L2HGDH: variants seen among roughly 807,000 people sequenced by gnomAD.
L2HGDH encodes L-2-hydroxyglutarate dehydrogenase, mitochondrial.
A neutral mutation model predicts 51.5 loss-of-function variants in L2HGDH; 34 were observed. The observed-to-expected ratio is 0.66, with a 90% confidence interval of 0.50 to 0.88. The LOEUF is 0.88. Ranked by LOEUF, L2HGDH falls within the 40% of genes least tolerant of loss-of-function variation. L2HGDH has a pLI of 0.00. For missense variants in L2HGDH, 558 were observed against 571.9 expected (o/e 0.98, Z 0.25); for synonymous variants, 198 against 197.9 (o/e 1.00, Z -0.01).
intron 6 of L2HGDH, among the ~76,000 whole-genome samples, chr14:50,277,195 T>TC (rs1491578205): frequency 3.1e-4 from 44 of 142,388 alleles, no homozygotes; most frequent in African/African-American, 1.1e-3. Context: ...TAAAGTAGAC[T>TC]GTTTTTTTTT....
chr14:50,302,799 A>G, intron 2 of L2HGDH, 103 bp downstream of exon 2: 1 of 857,788 alleles, frequency 1.2e-6, no homozygotes. Context: ...TTTAGAACAC[A>G]AACTAAGAAA....
chr14:50,285,750 T>C (rs1426636481), intron 4 of L2HGDH, among the ~76,000 whole-genome samples: 1 of 152,206 alleles, frequency 6.6e-6, no homozygotes, highest in African/African-American at 2.4e-5. Flanking sequence ...TCTGACACAC[T>C]GAAGACACTC....
chr14:50,297,907 C>G (rs1407787908), intron 3 of L2HGDH, among the ~76,000 whole-genome samples: 1 of 150,906 alleles, frequency 6.6e-6, no homozygotes, highest in Non-Finnish European at 1.5e-5. Context: ...TTGAGACCAA[C>G]TTGAGCAACG....
At chr14:50,259,365 GGT>G (rs1491182472) in intron 9 of L2HGDH, among the ~76,000 whole-genome samples, 574 of 52,090 alleles carry the variant, frequency 0.011, 15 homozygotes, top group Middle Eastern at 0.095. Flanking sequence ...TTTCTTTTTC[GGT>G]TTTTTTTTTT....
chr14:50,311,400 C>A, intron 1 of L2HGDH: 1 of 456,076 alleles, frequency 2.2e-6, no homozygotes, highest in Non-Finnish European at 4.4e-6. Flanking sequence ...CAAAACCTCT[C>A]CAAGCCTTAC....
At chr14:50,257,938 C>T (rs1050270883) in intron 9 of L2HGDH, among the ~76,000 whole-genome samples, 6 of 151,496 alleles carry the variant, frequency 4.0e-5, no homozygotes, top group African/African-American at 1.5e-4. Flanking sequence ...CTGTTCAGTA[C>T]GACTTTATCT....
At position 50,244,962 on chromosome 14, in the gene L2HGDH, CA is replaced by C; in HGVS notation, c.*2095del. Reference sequence around the variant, plus strand: ...TCAAAGTTCTGCAGTCAGGTCGCCACATTTTCATTTACAATTTCTATTTTCT... The same window carrying C: ...TCAAAGTTCTGCAGTCAGGTCGCCACTTTTCATTTACAATTTCTATTTTCT... On this transcript the variant is annotated 3_prime_UTR_variant, in exon 10 of 10. Coordinates refer to ENST00000267436, the MANE Select transcript of L2HGDH (RefSeq NM_024884.3). The C allele has an allele frequency of 1.0e-6, 1 of 985,488 alleles. No homozygotes were observed. The highest frequency in any genetic ancestry group is 1.2e-6 in the Non-Finnish European group (1 of 829,898). The allele number at this position is 985,488 out of a possible 1,614,324, so 61.0% of individuals were successfully genotyped here. A position where few individuals can be genotyped will look rare whatever the true frequency, so the allele number is the denominator to read the frequency against.
rs1002749213 is a variant in L2HGDH, at chr14:50,312,224, T to C, written c.-74A>G. 1.9e-6 allele frequency: 3 copies of C among 1,573,278 alleles called. No homozygotes were observed. The highest frequency in any genetic ancestry group is 1.3e-5 in the African/African-American group (1 of 74,234). ...CCTCCACGGCCGAGGACCCGCGCTC[T>C]TTAGCCCCGCCCCTCACGCGGGGGC... On this transcript the variant is annotated 5_prime_UTR_variant, in exon 1 of 10. Coordinates refer to ENST00000267436, the MANE Select transcript of L2HGDH (RefSeq NM_024884.3).
At chr14:50,288,672 C>T (rs765696197) in intron 4 of L2HGDH, among the ~76,000 whole-genome samples, 66 of 152,200 alleles carry the variant, frequency 4.3e-4, no homozygotes, top group Non-Finnish European at 8.8e-4. Context: ...CTCAGATGAT[C>T]CGCCTACCTC....
intron 7 of L2HGDH, among the ~76,000 whole-genome samples, chr14:50,268,316 T>A (rs1889460424): frequency 6.7e-6 from 1 of 150,072 alleles, no homozygotes; most frequent in South Asian, 2.1e-4. Flanking sequence ...GAGATGGAGG[T>A]TGCAATAAGC....
In L2HGDH at chr14:50,269,154, A is replaced by G. The variant is rs1889519777; in HGVS notation, c.906+9T>C. On this transcript the variant is annotated intron_variant, in intron 7 of 9. Coordinates refer to ENST00000267436, the MANE Select transcript of L2HGDH (RefSeq NM_024884.3). ...AAAAAAATGAGAAGTAGGAAGCATC[A>G]TTACCTACCGGATAAATATTTCCTT... The G allele has an allele frequency of 1.2e-6, 2 of 1,612,774 alleles. No homozygotes were observed. The highest frequency in any genetic ancestry group is 2.2e-5 in the East Asian group (1 of 44,848).
At chr14:50,269,400 T>C (rs946895686) in intron 6 of L2HGDH, 70 bp from the exon 7 acceptor site, 21 of 1,441,582 alleles carry the variant, frequency 1.5e-5, no homozygotes, top group Non-Finnish European at 1.8e-5. Context: ...GAAAAACAGG[T>C]GATAGAAAAG....
intron 4 of L2HGDH, among the ~76,000 whole-genome samples, chr14:50,289,097 G>A (rs1890724956): frequency 6.6e-6 from 1 of 152,112 alleles, no homozygotes; most frequent in Admixed American, 6.6e-5. Context: ...TATATTCTCT[G>A]CTCCCACATA....
At chr14:50,283,518 T>C (rs1181800415) in intron 5 of L2HGDH, among the ~76,000 whole-genome samples, 1 of 152,006 alleles carries the variant, frequency 6.6e-6, no homozygotes, top group African/African-American at 2.4e-5. Context: ...TCAATATAAG[T>C]ACAGCTGTTC....
chr14:50,312,225 T>C lies in L2HGDH; in HGVS notation c.-75A>G. 1.3e-6 allele frequency: 2 copies of C among 1,573,406 alleles called. No homozygotes were observed. The highest frequency in any genetic ancestry group is 1.7e-6 in the Non-Finnish European group (2 of 1,163,328). On this transcript the variant is annotated 5_prime_UTR_variant, in exon 1 of 10. Transcript: ENST00000267436. ...CTCCACGGCCGAGGACCCGCGCTCT[T>C]TAGCCCCGCCCCTCACGCGGGGGCC...
At chr14:50,277,334 G>A (rs1890031556) in intron 6 of L2HGDH, among the ~76,000 whole-genome samples, 1 of 151,956 alleles carries the variant, frequency 6.6e-6, no homozygotes, top group Non-Finnish European at 1.5e-5. Context: ...AGGTTATAAG[G>A]GGCGTGGACA....
At chr14:50,255,355 C>A (rs1019770118) in intron 9 of L2HGDH, among the ~76,000 whole-genome samples, 2 of 151,320 alleles carry the variant, frequency 1.3e-5, no homozygotes, top group African/African-American at 2.4e-5. Flanking sequence ...GCAAATATGG[C>A]AAACCCCCGT....
intron 9 of L2HGDH, among the ~76,000 whole-genome samples, chr14:50,251,439 T>A (rs1381817714): frequency 6.6e-6 from 1 of 151,998 alleles, no homozygotes; most frequent in Non-Finnish European, 1.5e-5. Context: ...CAGAAACATA[T>A]AGGGGTAAAT....
Position 50,247,155 on chromosome 14 carries a change from A to G in L2HGDH, c.1295T>C (p.Ile432Thr), listed in dbSNP as rs1485206516. 6.2e-7 allele frequency: 1 copy of G among 1,614,064 alleles called. No homozygotes were observed. The highest frequency in any genetic ancestry group is 1.3e-5 in the African/African-American group (1 of 74,922). ...AGAAGGTGCATTTCTCACATGAAGA[A>G]TGCGATTTCCAATATCCCCAACTCC... ...DAGVGDIGNR[I>T]LHVRNAPSPA... Residue 432 changes from isoleucine to threonine, a missense_variant, in exon 10 of 10, where the codon ATT (isoleucine) becomes ACT (threonine). Around this residue, in one of 3 missense-constraint regions of L2HGDH, gnomAD observed 321 missense variants for 311.8 expected, o/e 1.03. Coordinates refer to ENST00000267436, the MANE Select transcript of L2HGDH (RefSeq NM_024884.3).
Sources: gnomAD v4.1 joint callset for allele counts (sites outside exome capture counted in the v4.1 genomes callset) on GRCh38, gnomAD v4.1.1 for gene constraint, gnomAD v4.1.1 regional missense constraint, MANE v1.5 for transcripts, NCBI Gene and HGNC (gene_info 2026-07-23, HGNC 2026-07-21) for gene names.